Variants in SRSF11 observed in about 807,000 individuals in gnomAD.
SRSF11 encodes the protein serine/arginine-rich splicing factor 11.
In SRSF11, 9 loss-of-function variants were observed where a neutral mutation model predicts 56.0. That is an observed-to-expected ratio of 0.16 (90% CI 0.10 to 0.28). SRSF11 has a LOEUF of 0.28. Among genes scored for constraint, SRSF11 ranks in the 10% least tolerant of loss-of-function variants. The pLI, the probability that SRSF11 is intolerant of heterozygous loss-of-function variation, is 1.00. For missense variants in SRSF11, 421 were observed against 600.7 expected (o/e 0.70, Z 3.13); for synonymous variants, 222 against 215.3 (o/e 1.03, Z -0.27).
intron 1 of SRSF11, among the ~76,000 whole-genome samples, chr1:70,207,092 A>G (rs767622360): frequency 5.9e-5 from 9 of 151,556 alleles, no homozygotes; most frequent in Non-Finnish European, 1.2e-4. Context: ...GAGTTTCGCC[A>G]TGTTGGTCAG....
chr1:70,216,599 C>G (rs1161989448), upstream of SRSF11, among the ~76,000 whole-genome samples: 1 of 151,842 alleles, frequency 6.6e-6, no homozygotes, highest in East Asian at 1.9e-4. Context: ...ACCCAGCTAA[C>G]TTTTTTGTAT....
intron 2 of SRSF11, chr1:70,231,992 A>G (rs1672920740): frequency 7.9e-6 from 12 of 1,527,044 alleles, no homozygotes; most frequent in Non-Finnish European, 1.1e-5. Context: ...AAATCTTGGC[A>G]GTGTTAACAA....
intron 1 of SRSF11, among the ~76,000 whole-genome samples, chr1:70,206,072 C>G (rs989503499): frequency 6.6e-6 from 1 of 152,136 alleles, no homozygotes; most frequent in Non-Finnish European, 1.5e-5. Context: ...TACTCTGACA[C>G]CATTCTCGTT....
At chr1:70,244,589 G>A in intron 7 of SRSF11, 95 bp from the exon 8 acceptor site, 1 of 1,345,042 alleles carries the variant, frequency 7.4e-7, no homozygotes, top group Non-Finnish European at 1.0e-6. Flanking sequence ...TAATTGTTTA[G>A]TCCATATGTC....
intron 7 of SRSF11, among the ~76,000 whole-genome samples, chr1:70,243,666 G>A (rs1475068822): frequency 6.6e-6 from 1 of 152,164 alleles, no homozygotes; most frequent in African/African-American, 2.4e-5. Flanking sequence ...GACTATATTT[G>A]AAATGTTGCA....
At chr1:70,217,244 C>T (rs950448672), upstream of SRSF11, among the ~76,000 whole-genome samples, 4 of 151,970 alleles carry the variant, frequency 2.6e-5, no homozygotes, top group Non-Finnish European at 4.4e-5. Context: ...CTGCAACCTC[C>T]GCCTCCCAGG....
At chr1:70,235,352 GT>G in intron 4 of SRSF11, 148 bp from the exon 5 acceptor site, 1 of 648,666 alleles carries the variant, frequency 1.5e-6, no homozygotes, top group East Asian at 2.8e-5. Context: ...TTTTGTTTTT[GT>G]TTTTTCTTTT....
At position 70,252,508 on chromosome 1, in the gene SRSF11, A is replaced by G. The variant is rs944546356; in HGVS notation, c.*1703A>G. 6.6e-6 allele frequency: 1 copy of G among 152,102 alleles called. No individual in the cohort carries two copies. The highest frequency in any genetic ancestry group is 2.4e-5 in the African/African-American group (1 of 41,416). 9.4% of individuals were successfully genotyped at this position (152,102 alleles called of 1,614,324 possible). A position where few individuals can be genotyped will look rare whatever the true frequency, so the allele number is the denominator to read the frequency against. ...GGTTTTGTTTTGTTTTTTTTAACCTAAAAACTGAAATGCCATATAGAAAAA... is the reference window on the plus strand; with the variant it reads ...GGTTTTGTTTTGTTTTTTTTAACCTGAAAACTGAAATGCCATATAGAAAAA... On this transcript the variant is annotated 3_prime_UTR_variant, in exon 12 of 12. Coordinates refer to ENST00000370949, the MANE Select transcript of SRSF11 (RefSeq NM_001350605.2).
chr1:70,226,190 T>A (rs529962524), intron 1 of SRSF11, among the ~76,000 whole-genome samples: 1 of 147,784 alleles, frequency 6.8e-6, no homozygotes, highest in African/African-American at 2.5e-5. Flanking sequence ...AAACTCCATC[T>A]CAAAAAAAAA....
At chr1:70,246,953 C>A in intron 9 of SRSF11, 46 bp downstream of exon 9, 1 of 1,498,056 alleles carries the variant, frequency 6.7e-7, no homozygotes, top group Non-Finnish European at 9.1e-7. Flanking sequence ...TTTAACTTTG[C>A]TTCTAACAGT....
intron 2 of SRSF11, chr1:70,230,535 T>C: frequency 7.9e-7 from 1 of 1,259,734 alleles, no homozygotes; most frequent in Non-Finnish European, 1.0e-6. Context: ...TCTTTTTCTT[T>C]CATTTCTACA....
chr1:70,239,473 A>C lies in SRSF11; in HGVS notation c.753A>C (p.Ser251=). The change falls in exon 7 of 12, where the codon TCA becomes TCC. Residue 251 remains serine (S), a synonymous_variant. Coordinates refer to ENST00000370949, the MANE Select transcript of SRSF11 (RefSeq NM_001350605.2). ...AAGAAAAAAGAAGGCATTCAAGATCAAGATCACGTTCTAGGAGGAGGAGGA... is the reference window on the plus strand; with the variant it reads ...AAGAAAAAAGAAGGCATTCAAGATCCAGATCACGTTCTAGGAGGAGGAGGA... The part of the protein sequence containing the change: ...KKEEKRRHSR[S]RSRSRRRRTP... 1 of 1,609,432 alleles carries C rather than the reference A, an allele frequency of 6.2e-7. No homozygotes were observed. The highest frequency in any genetic ancestry group is 8.5e-7 in the Non-Finnish European group (1 of 1,178,490).
chr1:70,237,599 G>A, intron 6 of SRSF11, 47 bp downstream of exon 6: 1 of 1,598,626 alleles, frequency 6.3e-7, no homozygotes, highest in Non-Finnish European at 8.5e-7. Flanking sequence ...TAGCAAAAAT[G>A]ATTTTGACAT....
upstream of SRSF11, among the ~76,000 whole-genome samples, chr1:70,219,853 T>TTCCCAA (rs1398611296): frequency 6.6e-5 from 10 of 152,356 alleles, no homozygotes; most frequent in African/African-American, 2.4e-4. Flanking sequence ...CTCAATAACC[T>TTCCCAA]TGTGCTCTAA....
At chr1:70,234,571 T>C in intron 3 of SRSF11, 125 bp from the exon 4 acceptor site, 1 of 658,764 alleles carries the variant, frequency 1.5e-6, no homozygotes, top group Non-Finnish European at 2.5e-6. Context: ...ACTGAGGAGT[T>C]GTACGGAGAC....
intron 7 of SRSF11, among the ~76,000 whole-genome samples, chr1:70,243,998 G>A (rs538523674): frequency 3.0e-4 from 46 of 152,214 alleles, no homozygotes; most frequent in African/African-American, 9.9e-4. Context: ...ATGGGGGCTC[G>A]GTGCAGGGAG....
At chr1:70,231,439 CAG>C (rs1558181217) in intron 2 of SRSF11, 46 of 1,055,716 alleles carry the variant, frequency 4.4e-5, no homozygotes, top group Middle Eastern at 4.6e-4. Flanking sequence ...GCTTTAAAAA[CAG>C]ATATATATGT....
At position 70,252,448 on chromosome 1, in the gene SRSF11, A is replaced by C. The variant is rs1003504395; in HGVS notation, c.*1643A>C. 20 of 152,228 alleles carry C rather than the reference A, an allele frequency of 1.3e-4. No homozygotes were observed. Among genetic ancestry groups the C allele is most frequent in the African/African-American group, 4.8e-4 (20 of 41,548 alleles). 9.4% of individuals were successfully genotyped at this position (152,228 alleles called of 1,614,324 possible). Reference sequence around the variant, plus strand: ...GGGTTAAGGGAAAATGAGACTTGGAATTGTAGCTTTTATCCAAGTTTTGAG... The same window carrying C: ...GGGTTAAGGGAAAATGAGACTTGGACTTGTAGCTTTTATCCAAGTTTTGAG... On this transcript the variant is annotated 3_prime_UTR_variant, in exon 12 of 12. Coordinates refer to ENST00000370949, the MANE Select transcript of SRSF11 (RefSeq NM_001350605.2).
At position 70,239,469 on chromosome 1, in the gene SRSF11, G is replaced by C; in HGVS notation, c.749G>C (p.Arg250Thr). The C allele has an allele frequency of 6.2e-7, 1 of 1,607,906 alleles. No individual in the cohort carries two copies. Among genetic ancestry groups the C allele is most frequent in the Non-Finnish European group, 8.5e-7 (1 of 1,178,004 alleles). The change falls in exon 7 of 12, where the codon AGA (arginine) becomes ACA (threonine). Residue 250 changes from arginine to threonine, a missense_variant. By Grantham distance (71) the Arg-to-Thr change is moderately conservative (BLOSUM62 -1). Around this residue, in one of 2 missense-constraint regions of SRSF11, gnomAD observed 253 missense variants for 305.8 expected, o/e 0.83. Transcript: ENST00000370949. ...AAAGAAGAAAAAAGAAGGCATTCAA[G>C]ATCAAGATCACGTTCTAGGAGGAGG... ...DKKEEKRRHS[R>T]SRSRSRRRRT...
Sources: gnomAD v4.1 joint callset for allele counts (sites outside exome capture counted in the v4.1 genomes callset) on GRCh38, gnomAD v4.1.1 for gene constraint, gnomAD v4.1.1 regional missense constraint, MANE v1.5 for transcripts, NCBI Gene and HGNC (gene_info 2026-07-23, HGNC 2026-07-21) for gene names.